ABHD5: variants seen among roughly 807,000 people sequenced by gnomAD.
ABHD5 encodes the protein abhydrolase domain containing 5, lysophosphatidic acid acyltransferase.
Under a neutral mutation model 44.9 loss-of-function variants are expected in ABHD5, and 30 were observed. That is an observed-to-expected ratio of 0.67 (90% CI 0.50 to 0.91). The LOEUF (loss-of-function observed/expected upper bound fraction) is 0.91, where lower values mean the gene tolerates loss of function less well. Ranked by LOEUF, ABHD5 falls within the 40% of genes least tolerant of loss-of-function variation. ABHD5 has a pLI of 0.00. For synonymous variants in ABHD5, 167 were observed against 147.0 expected, an observed-to-expected ratio of 1.14 and a Z score of -0.99; for missense variants, 399 against 423.4, an observed-to-expected ratio of 0.94 and a Z score of 0.50.
At chr3:43,728,653 G>A (rs1255892593) in intron 7 of ABHD5, among the ~76,000 whole-genome samples, 1 of 152,208 alleles carries the variant, frequency 6.6e-6, no homozygotes, top group Non-Finnish European at 1.5e-5. Context: ...AATTACCGCT[G>A]TGATGTCTGC....
chr3:43,721,003 T>C lies in ABHD5; in HGVS notation c.*2471T>C, dbSNP rs970906942. On this transcript the variant is annotated 3_prime_UTR_variant, in exon 7 of 7. Transcript: ENST00000644371. Reference sequence around the variant, plus strand: ...CTTCATTCATATATGTAATATATATTTATACTTAAAGGGCCATACGCGATT... The same window carrying C: ...CTTCATTCATATATGTAATATATATCTATACTTAAAGGGCCATACGCGATT... The C allele has an allele frequency of 6.6e-6, 1 of 151,894 alleles. No individual in the cohort carries two copies. The highest frequency in any genetic ancestry group is 2.4e-5 in the African/African-American group (1 of 41,350). 9.4% of individuals were successfully genotyped at this position (151,894 alleles called of 1,614,324 possible).
chr3:43,692,371 C>T (rs1343479282), intron 1 of ABHD5, among the ~76,000 whole-genome samples: 1 of 152,092 alleles, frequency 6.6e-6, no homozygotes, highest in East Asian at 1.9e-4. Flanking sequence ...AGGTTGTGTT[C>T]TCATCTTGTT....
At chr3:43,726,065 C>T (rs1159721494), downstream of ABHD5, among the ~76,000 whole-genome samples, 6 of 152,038 alleles carry the variant, frequency 3.9e-5, no homozygotes, top group East Asian at 5.8e-4. Flanking sequence ...AGGGTTTCAC[C>T]GTGTTAGCCA....
intron 7 of ABHD5, among the ~76,000 whole-genome samples, chr3:43,729,054 G>A (rs1448801970): frequency 3.9e-5 from 6 of 152,224 alleles, no homozygotes; most frequent in Non-Finnish European, 8.8e-5. Flanking sequence ...TCAAATATGA[G>A]CTTTTAAAGT....
chr3:43,714,820 G>C, intron 4 of ABHD5, 127 bp from the exon 5 acceptor site: 1 of 632,944 alleles, frequency 1.6e-6, no homozygotes, highest in Non-Finnish European at 2.9e-6. Flanking sequence ...ATATATATTT[G>C]AATACATATA....
chr3:43,712,001 C>T (rs1428215587), intron 4 of ABHD5, 138 bp downstream of exon 4: 1 of 1,099,270 alleles, frequency 9.1e-7, no homozygotes, highest in Non-Finnish European at 1.4e-6. Context: ...CTAATAAGTA[C>T]CATGTCTTGC....
chr3:43,703,502 A>G (rs750719110), intron 3 of ABHD5, among the ~76,000 whole-genome samples: 4 of 152,030 alleles, frequency 2.6e-5, no homozygotes, highest in Admixed American at 1.3e-4. Context: ...TTTAAATGCT[A>G]TTTACTGTCA....
rs2084842202 is a variant in ABHD5 at position 43,721,978 on chromosome 3, T to C, written c.*3446T>C. On this transcript the variant is annotated 3_prime_UTR_variant, in exon 7 of 7. Coordinates refer to ENST00000644371, the MANE Select transcript of ABHD5 (RefSeq NM_016006.6). ...TAGGCAATGCACTCTGTTGAGACAATAGGGAAACAGGCACTCCAAAAATTA... is the reference window on the plus strand; with the variant it reads ...TAGGCAATGCACTCTGTTGAGACAACAGGGAAACAGGCACTCCAAAAATTA... 1 of 152,178 alleles carries C rather than the reference T, an allele frequency of 6.6e-6. No homozygotes were observed. The highest frequency in any genetic ancestry group is 1.5e-5 in the Non-Finnish European group (1 of 68,032). The allele number at this position is 152,178 out of a possible 1,614,324, so 9.4% of individuals were successfully genotyped here.
At chr3:43,723,391 C>T (rs1465750718), downstream of ABHD5, among the ~76,000 whole-genome samples, 1 of 152,106 alleles carries the variant, frequency 6.6e-6, no homozygotes, top group East Asian at 1.9e-4. Context: ...ATTTTGCCAC[C>T]TCTAATGAAG....
chr3:43,725,710 G>A (rs1388319734), downstream of ABHD5, among the ~76,000 whole-genome samples: 2 of 152,108 alleles, frequency 1.3e-5, no homozygotes, highest in Non-Finnish European at 2.9e-5. Flanking sequence ...TATGATTCTG[G>A]ACAGTGTCTC....
At chr3:43,727,214 A>T (rs2084884031), downstream of ABHD5, among the ~76,000 whole-genome samples, 1 of 152,174 alleles carries the variant, frequency 6.6e-6, no homozygotes. Context: ...AGCTATAAAA[A>T]TGCTGGTCTC....
At position 43,719,249 on chromosome 3, in the gene ABHD5, G is replaced by A. The variant is rs1297237629; in HGVS notation, c.*717G>A. On this transcript the variant is annotated 3_prime_UTR_variant, in exon 7 of 7. Transcript: ENST00000644371. ...GTGTGGTATAATTCTACTCTTCCAA[G>A]GAACATGACTTCAATACTTTCAGTG... 1 of 152,196 alleles carries A rather than the reference G, an allele frequency of 6.6e-6. No homozygotes were observed. Among genetic ancestry groups the A allele is most frequent in the African/African-American group, 2.4e-5 (1 of 41,436 alleles). 9.4% of individuals were successfully genotyped at this position (152,196 alleles called of 1,614,324 possible).
intron 3 of ABHD5, among the ~76,000 whole-genome samples, chr3:43,709,524 A>G (rs1192069098): frequency 1.4e-5 from 2 of 146,998 alleles, no homozygotes; most frequent in African/African-American, 5.1e-5. Context: ...AGCAAGATCC[A>G]TTAACAAATT....
intron 2 of ABHD5, among the ~76,000 whole-genome samples, chr3:43,701,604 A>G (rs1230027982): frequency 6.6e-6 from 1 of 152,222 alleles, no homozygotes; most frequent in Non-Finnish European, 1.5e-5. Flanking sequence ...CTAGGAGATT[A>G]CTAGAGTTGG....
rs528060949 is a variant in ABHD5, at chr3:43,721,399, T to C, written c.*2867T>C. The C allele has an allele frequency of 6.6e-6, 1 of 152,172 alleles. No homozygotes were observed. The highest frequency in any genetic ancestry group is 2.4e-5 in the African/African-American group (1 of 41,538). 9.4% of individuals were successfully genotyped at this position (152,172 alleles called of 1,614,324 possible). On this transcript the variant is annotated 3_prime_UTR_variant, in exon 7 of 7. Coordinates refer to ENST00000644371, the MANE Select transcript of ABHD5 (RefSeq NM_016006.6). ...ACAGTGAGAAAAACTTTCCTAGGAC[T>C]GAAAATTCAGAAGCAATAAAAAGAG...
chr3:43,725,014 G>T (rs1018673717), downstream of ABHD5, among the ~76,000 whole-genome samples: 2 of 152,196 alleles, frequency 1.3e-5, no homozygotes, highest in African/African-American at 4.8e-5. Context: ...TTACTGTGCT[G>T]TTGTCTGTGT....
rs149001015 is a variant in ABHD5, at chr3:43,699,134, G to A, written c.48-142G>A. The A allele has an allele frequency of 2.1e-4, 156 of 738,760 alleles. 2 individuals carry two copies. In the African/African-American group the frequency reaches 2.4e-3, roughly 11 times the overall value. 45.8% of individuals were successfully genotyped at this position (738,760 alleles called of 1,614,324 possible). A position where few individuals can be genotyped will look rare whatever the true frequency, so the allele number is the denominator to read the frequency against. On this transcript the variant is annotated intron_variant, in intron 1 of 6. Coordinates refer to ENST00000644371, the MANE Select transcript of ABHD5 (RefSeq NM_016006.6). Reference sequence around the variant, plus strand: ...GTACTTACCACCATGCTTTGTGCATGTTAGGTCACTTTTGTCACACATAGC... The same window carrying A: ...GTACTTACCACCATGCTTTGTGCATATTAGGTCACTTTTGTCACACATAGC...
chr3:43,731,064 G>A lies in ABHD5; in HGVS notation c.*30-2816G>A, dbSNP rs190220412. 7.3e-4 allele frequency among the ~76,000 whole-genome samples: 109 copies of A among 150,034 alleles called. 1 individual carries two copies. The highest frequency in any genetic ancestry group is 2.5e-3 in the African/African-American group (104 of 40,828). ...ACGGTGGTCTCGATCTCCTGACCTCGTGATCCACCTGCCTCGGCCTCCCAA... is the reference window on the plus strand; with the variant it reads ...ACGGTGGTCTCGATCTCCTGACCTCATGATCCACCTGCCTCGGCCTCCCAA... On this transcript the variant is annotated intron_variant, in intron 7 of 7. Transcript: ENST00000454293.
In ABHD5 at chr3:43,714,957, AG is replaced by A; in HGVS notation, c.673del (p.Val225CysfsTer4). The A allele has an allele frequency of 1.2e-6, 2 of 1,612,112 alleles. No individual in the cohort carries two copies. Among genetic ancestry groups the A allele is most frequent in the Non-Finnish European group, 1.7e-6 (2 of 1,178,388 alleles). ...TTTCCTGTTAAATAGGTTTAAGTCTAGTGCAGCGTTTAAGGCCTGATTTCAA... is the reference window on the plus strand; with the variant it reads ...TTTCCTGTTAAATAGGTTTAAGTCTATGCAGCGTTTAAGGCCTGATTTCAA... Reference protein sequence around the residue: ...RIAGPFGLSLVQRLRPDFKRK... With the variant: ...RIAGPFGLSLXQRLRPDFKRK... On this transcript the variant is annotated frameshift_variant, in exon 5 of 7. Coordinates refer to ENST00000644371, the MANE Select transcript of ABHD5 (RefSeq NM_016006.6). LOFTEE classifies it high-confidence loss of function.
Sources: allele counts gnomAD v4.1 joint callset (sites outside exome capture counted in the v4.1 genomes callset), GRCh38; gene constraint gnomAD v4.1.1; transcripts MANE v1.5; gene names NCBI Gene and HGNC (gene_info 2026-07-23, HGNC 2026-07-21).